Variants in PLK4 observed in about 807,000 individuals in gnomAD.
PLK4 encodes polo like kinase 4.
Under a neutral mutation model 103.0 loss-of-function variants are expected in PLK4, and 51 were observed. The ratio of observed to expected loss-of-function variants is 0.50; its 90% CI spans 0.40 to 0.63. PLK4 has a LOEUF of 0.63. Ranked by LOEUF, PLK4 falls within the 20% of genes least tolerant of loss-of-function variation. The pLI is 0.00. For missense variants in PLK4, 1,054 were observed against 1,151.0 expected (o/e 0.92, Z 1.22); for synonymous variants, 389 against 376.8 (o/e 1.03, Z -0.38).
intron 9 of PLK4, 39 bp from the exon 10 acceptor site, chr4:127,892,326 A>G (rs1371891241): frequency 7.4e-7 from 1 of 1,354,282 alleles, no homozygotes; most frequent in South Asian, 1.3e-5. Flanking sequence ...TGTCAGGTCA[A>G]CACTTTCTTC....
At chr4:127,889,806 T>G in intron 6 of PLK4, 60 bp from the exon 7 acceptor site, 1 of 1,249,124 alleles carries the variant, frequency 8.0e-7, no homozygotes, top group Non-Finnish European at 1.1e-6. Context: ...GTGACGTTAT[T>G]TTGTGTCGAC....
In PLK4 at chr4:127,894,952, G is replaced by C; in HGVS notation, c.2563-1G>C. Reference sequence around the variant, plus strand: ...ATCTTCCTGTCCTTTATTCTTTGTAGATGGTTACAAATGAAGGACTTGGTC... The same window carrying C: ...ATCTTCCTGTCCTTTATTCTTTGTACATGGTTACAAATGAAGGACTTGGTC... On this transcript the variant is annotated splice_acceptor_variant, in intron 13 of 15. Coordinates refer to ENST00000270861, the MANE Select transcript of PLK4 (RefSeq NM_014264.5). LOFTEE classifies it high-confidence loss of function. 1 of 1,575,672 alleles carries C rather than the reference G, an allele frequency of 6.3e-7. No individual in the cohort carries two copies. The highest frequency in any genetic ancestry group is 8.6e-7 in the Non-Finnish European group (1 of 1,158,244).
chr4:127,886,771 T>A, intron 5 of PLK4, 43 bp downstream of exon 5: 1 of 1,220,464 alleles, frequency 8.2e-7, no homozygotes, highest in East Asian at 2.3e-5. Flanking sequence ...TTTGGTAACA[T>A]TATACTAGTA....
chr4:127,894,928 T>C (rs746730017), intron 13 of PLK4, 25 bp from the exon 14 acceptor site: 8 of 1,429,248 alleles, frequency 5.6e-6, no homozygotes, highest in Non-Finnish European at 7.5e-6. Context: ...AGGAATAATA[T>C]CTTCCTGTCC....
chr4:127,897,324 G>A (rs906528343), intron 15 of PLK4, among the ~76,000 whole-genome samples: 1 of 152,078 alleles, frequency 6.6e-6, no homozygotes, highest in Non-Finnish European at 1.5e-5. Flanking sequence ...CTAATGTAAC[G>A]TGATTAATGT....
chr4:127,882,003 T>A, intron 2 of PLK4, 77 bp downstream of exon 2: 1 of 811,748 alleles, frequency 1.2e-6, no homozygotes, highest in South Asian at 1.4e-5. Flanking sequence ...AGAAACTCCT[T>A]GTCTACTAGC....
chr4:127,895,857 A>T (rs1326943499), intron 14 of PLK4, among the ~76,000 whole-genome samples: 4 of 152,192 alleles, frequency 2.6e-5, no homozygotes, highest in Admixed American at 6.5e-5. Context: ...TGAGTCCAGG[A>T]GTTTGAGGCC....
At chr4:127,893,473 T>G in intron 11 of PLK4, 40 bp from the exon 12 acceptor site, 1 of 1,600,398 alleles carries the variant, frequency 6.2e-7, no homozygotes, top group Non-Finnish European at 8.5e-7. Context: ...GCAAATGACA[T>G]AGGTGAAACA....
chr4:127,897,845 TTTTTTTTTTTTTTG>T (rs1735632646), intron 15 of PLK4, among the ~76,000 whole-genome samples: 1 of 106,858 alleles, frequency 9.4e-6, no homozygotes, highest in African/African-American at 3.5e-5. Context: ...TTTTTTTTTT[TTTTTTTTTTTTTTG>T]AGACAGAGTC....
chr4:127,892,440 A>C lies in PLK4; in HGVS notation c.2114A>C (p.Tyr705Ser). ...AGATCTAAATCTCCCAAAATCACTT[A>C]TTTTACAAGATATGCTAAATGCATT... The part of the protein sequence containing the change: ...LVRSKSPKIT[Y>S]FTRYAKCILM... Residue 705 changes from tyrosine (Y) to serine (S), a missense_variant, in exon 10 of 16, where the codon TAT becomes TCT. Around this residue, in one of 4 missense-constraint regions of PLK4, gnomAD observed 680 missense variants for 660.3 expected, o/e 1.03. Coordinates refer to ENST00000270861, the MANE Select transcript of PLK4 (RefSeq NM_014264.5). 1 of 1,590,360 alleles carries C rather than the reference A, an allele frequency of 6.3e-7. No homozygotes were observed. The highest frequency in any genetic ancestry group is 1.4e-5 in the African/African-American group (1 of 73,126).
intron 9 of PLK4, 98 bp from the exon 10 acceptor site, chr4:127,892,267 C>A (rs2148822284): frequency 2.8e-6 from 2 of 726,740 alleles, no homozygotes; most frequent in South Asian, 3.9e-5. Context: ...ATAAGAAAAC[C>A]TGTCTAATGT....
At position 127,885,966 on chromosome 4, in the gene PLK4, G is replaced by A; in HGVS notation, c.596G>A (p.Cys199Tyr). Residue 199 changes from cysteine to tyrosine, a missense_variant, in exon 5 of 16, where the codon TGT (cysteine) becomes TAT (tyrosine). Around this residue, in one of 4 missense-constraint regions of PLK4, gnomAD observed 199 missense variants for 270.1 expected, o/e 0.74. Coordinates refer to ENST00000270861, the MANE Select transcript of PLK4 (RefSeq NM_014264.5). The part of the protein sequence containing the change: ...GLESDVWSLG[C>Y]MFYTLLIGRP... ...GAATCTGATGTTTGGTCCCTGGGCT[G>A]TATGTTTTATACATTACTTATCGGG... The A allele has an allele frequency of 6.2e-7, 1 of 1,614,180 alleles. No individual in the cohort carries two copies. The highest frequency in any genetic ancestry group is 8.5e-7 in the Non-Finnish European group (1 of 1,180,012).
At chr4:127,885,293 C>A (rs1041836873) in intron 4 of PLK4, among the ~76,000 whole-genome samples, 2 of 151,902 alleles carry the variant, frequency 1.3e-5, no homozygotes, top group African/African-American at 4.8e-5. Flanking sequence ...TCCTGGCTAA[C>A]ACAGTGAAAC....
intron 6 of PLK4, among the ~76,000 whole-genome samples, chr4:127,887,969 C>G (rs1435779873): frequency 2.0e-5 from 3 of 150,320 alleles, no homozygotes; most frequent in African/African-American, 7.3e-5. Context: ...AACTTGAGGT[C>G]AGGCATTCGA....
intron 2 of PLK4, 140 bp from the exon 3 acceptor site, chr4:127,883,122 G>T: frequency 1.8e-6 from 1 of 561,252 alleles, no homozygotes; most frequent in Non-Finnish European, 3.2e-6. Context: ...AGGTGCATGG[G>T]GAAAACAGAT....
At chr4:127,891,343 C>A in intron 8 of PLK4, 147 bp downstream of exon 8, 1 of 456,140 alleles carries the variant, frequency 2.2e-6, no homozygotes, top group South Asian at 5.9e-5. Context: ...ATTGAAATAG[C>A]ATATTAAACA....
chr4:127,883,249 C>G lies in PLK4; in HGVS notation c.127-13C>G, dbSNP rs984498160. On this transcript the variant is annotated splice_polypyrimidine_tract_variant and intron_variant, in intron 2 of 15. Coordinates refer to ENST00000270861, the MANE Select transcript of PLK4 (RefSeq NM_014264.5). Reference sequence around the variant, plus strand: ...TTTGAAAGTCTGTCAACATTTAAACCTGTTATTTTTAGATAGATAAGAAAG... The same window carrying G: ...TTTGAAAGTCTGTCAACATTTAAACGTGTTATTTTTAGATAGATAAGAAAG... 7.4e-7 allele frequency: 1 copy of G among 1,353,734 alleles called. No homozygotes were observed. The highest frequency in any genetic ancestry group is 1.0e-6 in the Non-Finnish European group (1 of 960,078). 83.9% of individuals were successfully genotyped at this position (1,353,734 alleles called of 1,614,324 possible). A position where few individuals can be genotyped will look rare whatever the true frequency, so the allele number is the denominator to read the frequency against.
chr4:127,881,598 G>A (rs1358069121), intron 1 of PLK4, among the ~76,000 whole-genome samples: 2 of 152,132 alleles, frequency 1.3e-5, no homozygotes, highest in African/African-American at 4.8e-5. Context: ...TGAGGAACCA[G>A]ATCACTAGGG....
intron 1 of PLK4, chr4:127,881,403 G>T: frequency 7.1e-7 from 1 of 1,415,440 alleles, no homozygotes; most frequent in African/African-American, 1.4e-5. Flanking sequence ...GTGTCCCGAG[G>T]CACTGCGGCT....
Sources: gnomAD v4.1 joint callset for allele counts (sites outside exome capture counted in the v4.1 genomes callset) on GRCh38, gnomAD v4.1.1 for gene constraint, gnomAD v4.1.1 regional missense constraint, MANE v1.5 for transcripts, NCBI Gene and HGNC (gene_info 2026-07-23, HGNC 2026-07-21) for gene names.